BCKDHB: variants seen among roughly 807,000 people sequenced by gnomAD.
BCKDHB encodes branched chain keto acid dehydrogenase E1 subunit beta, also known as 2-oxoisovalerate dehydrogenase subunit beta, mitochondrial.
In BCKDHB, 41 loss-of-function variants were observed where a neutral mutation model predicts 48.5. The ratio of observed to expected loss-of-function variants is 0.85; its 90% confidence interval spans 0.66 to 1.10. BCKDHB has a LOEUF of 1.10. Ranked by LOEUF, BCKDHB falls within the 50% of genes least tolerant of loss-of-function variation. The pLI is 0.00. For missense variants in BCKDHB, 496 were observed against 494.2 expected (o/e 1.00, Z -0.03); for synonymous variants, 201 against 174.8 (o/e 1.15, Z -1.18).
intron 7 of BCKDHB, among the ~76,000 whole-genome samples, chr6:80,202,564 A>AT (rs1176588483): frequency 6.6e-6 from 1 of 152,014 alleles, no homozygotes; most frequent in East Asian, 1.9e-4. Flanking sequence ...TTCAGCTCTT[A>AT]TTCCTGCTAT....
intron 6 of BCKDHB, among the ~76,000 whole-genome samples, chr6:80,182,326 A>G (rs1264215526): frequency 2.6e-5 from 4 of 152,206 alleles, no homozygotes; most frequent in Non-Finnish European, 1.5e-5. Context: ...AAACTGAACT[A>G]TTCATGGAAT....
chr6:80,405,921 C>T, the BCKDHB span, among the ~76,000 whole-genome samples: 1 of 152,144 alleles, frequency 6.6e-6, no homozygotes, highest in African/African-American at 2.4e-5. Flanking sequence ...TGGCTTGCTG[C>T]GCCCATCAAC....
the BCKDHB span, among the ~76,000 whole-genome samples, chr6:80,419,814 C>T: frequency 6.6e-6 from 1 of 152,126 alleles, no homozygotes; most frequent in Non-Finnish European, 1.5e-5. Flanking sequence ...TCCCAGCTTT[C>T]CTTTTTCACT....
chr6:80,269,688 T>C (rs1454904295), intron 8 of BCKDHB, among the ~76,000 whole-genome samples: 3 of 152,130 alleles, frequency 2.0e-5, no homozygotes, highest in Non-Finnish European at 2.9e-5. Flanking sequence ...GTTTAAACAC[T>C]TTTAATTTGT....
At chr6:80,221,960 A>G (rs1312390829) in intron 8 of BCKDHB, among the ~76,000 whole-genome samples, 1 of 152,110 alleles carries the variant, frequency 6.6e-6, no homozygotes, top group African/African-American at 2.4e-5. Flanking sequence ...TATTTTTTAA[A>G]ACGTTTTATT....
chr6:80,396,874 C>A, the BCKDHB span, among the ~76,000 whole-genome samples: 2 of 152,170 alleles, frequency 1.3e-5, no homozygotes, highest in Non-Finnish European at 2.9e-5. Flanking sequence ...TTTTAAATCA[C>A]CCCGTCTTGG....
chr6:80,338,633 G>A (rs1472520734), intron 9 of BCKDHB, among the ~76,000 whole-genome samples: 1 of 152,176 alleles, frequency 6.6e-6, no homozygotes, highest in Non-Finnish European at 1.5e-5. Flanking sequence ...TTTCAGGTTT[G>A]ACCGTTCTGT....
intron 1 of BCKDHB, among the ~76,000 whole-genome samples, chr6:80,116,544 G>A (rs533502218): frequency 6.6e-6 from 1 of 152,212 alleles, no homozygotes; most frequent in East Asian, 1.9e-4. Context: ...TTTACATTCT[G>A]CCTATATGTC....
chr6:80,425,898 T>G, the BCKDHB span, among the ~76,000 whole-genome samples: 22 of 152,328 alleles, frequency 1.4e-4, 1 homozygote, highest in South Asian at 4.3e-3. Context: ...GGGTAATATT[T>G]TTTTCAACTT....
chr6:80,422,816 G>A, the BCKDHB span, among the ~76,000 whole-genome samples: 1 of 152,188 alleles, frequency 6.6e-6, no homozygotes, highest in African/African-American at 2.4e-5. Flanking sequence ...TATCTAGGAA[G>A]TAAAAAACTT....
chr6:80,144,806 A>G (rs1771398594), intron 3 of BCKDHB, among the ~76,000 whole-genome samples: 1 of 152,190 alleles, frequency 6.6e-6, no homozygotes, highest in African/African-American at 2.4e-5. Context: ...CAATTTTACC[A>G]GTCTGAGTGA....
chr6:80,419,111 A>T, the BCKDHB span, among the ~76,000 whole-genome samples: 1 of 151,982 alleles, frequency 6.6e-6, no homozygotes, highest in Admixed American at 6.6e-5. Context: ...TGCAATGGAG[A>T]TCATTTGGGG....
At chr6:80,145,065 G>T (rs1196432974) in intron 3 of BCKDHB, among the ~76,000 whole-genome samples, 3 of 152,086 alleles carry the variant, frequency 2.0e-5, no homozygotes, top group Non-Finnish European at 2.9e-5. Flanking sequence ...TTTTATCTTT[G>T]TAGATCCCCT....
At chr6:80,209,820 T>G (rs749657184) in intron 8 of BCKDHB, among the ~76,000 whole-genome samples, 1 of 151,906 alleles carries the variant, frequency 6.6e-6, no homozygotes, top group Non-Finnish European at 1.5e-5. Context: ...TTAAGAAAAT[T>G]TATTCATCAA....
intron 9 of BCKDHB, among the ~76,000 whole-genome samples, chr6:80,342,593 G>GGGGAAGGAA (rs1356363604): frequency 2.2e-5 from 3 of 135,644 alleles, no homozygotes; most frequent in African/African-American, 5.3e-5. Context: ...AGGGAAGAAA[G>GGGGAAGGAA]GGGAAGGAAG....
intron 8 of BCKDHB, among the ~76,000 whole-genome samples, chr6:80,205,831 T>TGA (rs1562135472): frequency 6.8e-6 from 1 of 147,320 alleles, no homozygotes; most frequent in South Asian, 2.3e-4. Flanking sequence ...TGTGTGTGTG[T>TGA]GTGTAGGTGG....
intron 5 of BCKDHB, chr6:80,170,047 C>G: frequency 1.6e-6 from 1 of 609,202 alleles, no homozygotes; most frequent in Non-Finnish European, 2.1e-6. Flanking sequence ...TTCCTTTTTC[C>G]TTTTTTTTTC....
the BCKDHB span, among the ~76,000 whole-genome samples, chr6:80,373,044 T>C: frequency 6.6e-6 from 1 of 152,190 alleles, no homozygotes; most frequent in Non-Finnish European, 1.5e-5. Flanking sequence ...TCTTTGAATG[T>C]CTGATAAAAT....
chr6:80,109,763 C>G (rs902097037), intron 1 of BCKDHB, among the ~76,000 whole-genome samples: 1 of 152,158 alleles, frequency 6.6e-6, no homozygotes, highest in African/African-American at 2.4e-5. Context: ...TATTGCATAG[C>G]TGCTCTTTTC....
Sources: gnomAD v4.1 joint callset for allele counts (sites outside exome capture counted in the v4.1 genomes callset) on GRCh38, gnomAD v4.1.1 for gene constraint, MANE v1.5 for transcripts, NCBI Gene and HGNC (gene_info 2026-07-23, HGNC 2026-07-21) for gene names.